Variants in MPDZ observed in about 807,000 individuals in gnomAD.
MPDZ encodes the protein multiple PDZ domain protein.
In MPDZ, 234 loss-of-function variants were observed where a neutral mutation model predicts 239.1. The observed-to-expected ratio is 0.98, with a 90% CI of 0.88 to 1.09. The LOEUF (loss-of-function observed/expected upper bound fraction) is 1.09. Ranked by LOEUF, MPDZ falls within the 50% of genes least tolerant of loss-of-function variation. The probability of loss-of-function intolerance (pLI) is 0.00; values close to 1 mark genes in which losing one functional copy is unlikely to be tolerated. For synonymous variants in MPDZ, 1,048 were observed against 881.3 expected, an observed-to-expected ratio of 1.19 and a Z score of -3.35; for missense variants, 3,175 against 2,510.0, an observed-to-expected ratio of 1.26 and a Z score of -5.66.
chr9:13,181,028 G>A (rs775626021), intron 19 of MPDZ, among the ~76,000 whole-genome samples: 4 of 152,088 alleles, frequency 2.6e-5, no homozygotes, highest in Non-Finnish European at 5.9e-5. Flanking sequence ...ATCACTTCTG[G>A]TAGTATACCT....
chr9:13,191,328 T>C (rs1954895250), intron 15 of MPDZ, among the ~76,000 whole-genome samples: 1 of 152,186 alleles, frequency 6.6e-6, no homozygotes, highest in African/African-American at 2.4e-5. Flanking sequence ...CAATATACTA[T>C]AAATCAAATC....
At chr9:13,165,348 T>C (rs1490602734) in intron 22 of MPDZ, 1 of 1,548,526 alleles carries the variant, frequency 6.5e-7, no homozygotes, top group Non-Finnish European at 8.7e-7. Flanking sequence ...TAATGAGCTT[T>C]CGAATCACTG....
At chr9:13,197,030 C>A (rs1955736288) in intron 12 of MPDZ, among the ~76,000 whole-genome samples, 1 of 151,794 alleles carries the variant, frequency 6.6e-6, no homozygotes, top group African/African-American at 2.4e-5. Context: ...ATTCAGATTT[C>A]TTATTAGTTG....
At chr9:13,251,092 G>A (rs1345256159) in intron 1 of MPDZ, among the ~76,000 whole-genome samples, 1 of 121,242 alleles carries the variant, frequency 8.2e-6, no homozygotes, top group Non-Finnish European at 1.6e-5. Flanking sequence ...TCATGCCACC[G>A]CACTCCAGCC....
At position 13,112,034 on chromosome 9, in the gene MPDZ, T is replaced by A; in HGVS notation, c.5714A>T (p.Gln1905Leu). The change falls in exon 43 of 47, where the codon CAA becomes CTA. Residue 1905 changes from glutamine (Q) to leucine (L), a missense_variant. Gln to Leu is a moderately radical substitution (Grantham distance 113). Coordinates refer to ENST00000319217, the MANE Select transcript of MPDZ (RefSeq NM_001378778.1). ...GATAGTACGACTCACTCTGAGTTTT[T>A]GGGTCTGTGCTGCAACTCCAGTTGG... ...MHPTGVAAQT[Q>L]KLRVGDRIVT... The A allele has an allele frequency of 1.9e-6, 3 of 1,613,378 alleles. No homozygotes were observed. In the South Asian group the frequency reaches 3.3e-5, roughly 18 times the overall value.
intron 10 of MPDZ, among the ~76,000 whole-genome samples, chr9:13,209,758 CA>C (rs1318311200): frequency 4.0e-5 from 6 of 150,892 alleles, no homozygotes; most frequent in South Asian, 2.1e-4. Flanking sequence ...ATCTACCCCC[CA>C]AAAAAAAGAA....
At chr9:13,245,638 A>G (rs1245432514) in intron 3 of MPDZ, among the ~76,000 whole-genome samples, 2 of 152,192 alleles carry the variant, frequency 1.3e-5, no homozygotes, top group African/African-American at 2.4e-5. Context: ...CATGTCTCAT[A>G]GAATTCACAG....
At chr9:13,203,308 T>A (rs1372503515) in intron 12 of MPDZ, among the ~76,000 whole-genome samples, 1 of 152,148 alleles carries the variant, frequency 6.6e-6, no homozygotes, top group African/African-American at 2.4e-5. Flanking sequence ...CCACACTTCC[T>A]TTTTCTAAGT....
At chr9:13,221,170 T>TA in intron 7 of MPDZ, among the ~76,000 whole-genome samples, 1 of 152,120 alleles carries the variant, frequency 6.6e-6, no homozygotes, top group African/African-American at 2.4e-5. Context: ...AACTATAACT[T>TA]AAGATTACTG....
At chr9:13,264,683 A>G (rs889421156) in intron 1 of MPDZ, among the ~76,000 whole-genome samples, 2 of 151,982 alleles carry the variant, frequency 1.3e-5, no homozygotes, top group East Asian at 1.9e-4. Flanking sequence ...AGAGTCCAAA[A>G]TACACATTAG....
intron 1 of MPDZ, 27 bp from the exon 2 acceptor site, chr9:13,250,399 A>C: frequency 8.3e-7 from 1 of 1,204,876 alleles, no homozygotes; most frequent in Non-Finnish European, 1.2e-6. Flanking sequence ...TAGAATGGTT[A>C]TGTTTTATCA....
chr9:13,205,059 T>C lies in MPDZ; in HGVS notation c.1523A>G (p.Asn508Ser). ...ACCTTCTTCTTCAGTTGGTAATATG[T>C]TGGTGTTTCTCGTCGAAGATAAAAA... ...EDFLSSTRNTNILPTEEEGYP... is the reference protein window; with the variant it reads ...EDFLSSTRNTSILPTEEEGYP... The change falls in exon 12 of 47, where the codon AAC becomes AGC. Residue 508 changes from asparagine to serine, a missense_variant. Physicochemically the swap from Asn to Ser is conservative, Grantham distance 46 (BLOSUM62 1). Transcript: ENST00000319217. 2 of 1,465,610 alleles carry C rather than the reference T, an allele frequency of 1.4e-6. No homozygotes were observed. The highest frequency in any genetic ancestry group is 2.9e-5 in the Admixed American group (1 of 34,806). The allele number at this position is 1,465,610 out of a possible 1,614,324, so 90.8% of individuals were successfully genotyped here.
At chr9:13,236,245 GTGTGTATA>G (rs375736612) in intron 3 of MPDZ, among the ~76,000 whole-genome samples, 2,737 of 13,456 alleles carry the variant, frequency 0.2, 429 homozygotes, top group Middle Eastern at 0.5. Flanking sequence ...ATGTGTGTGT[GTGTGTATA>G]TATATATATA....
chr9:13,133,740 G>A, intron 32 of MPDZ, 84 bp downstream of exon 32: 1 of 942,746 alleles, frequency 1.1e-6, no homozygotes, highest in Non-Finnish European at 1.6e-6. Flanking sequence ...TTAATCTGGA[G>A]ACCACACTTT....
chr9:13,232,142 T>C (rs889412894), intron 3 of MPDZ, among the ~76,000 whole-genome samples: 2 of 152,162 alleles, frequency 1.3e-5, no homozygotes, highest in African/African-American at 4.8e-5. Context: ...ACAAAAACTG[T>C]AATTATTTGC....
intron 39 of MPDZ, among the ~76,000 whole-genome samples, chr9:13,117,914 G>A (rs1478662815): frequency 6.9e-6 from 1 of 145,956 alleles, no homozygotes; most frequent in South Asian, 2.2e-4. Context: ...ATGCGATCTC[G>A]GCTTACTGCA....
At chr9:13,148,875 T>C (rs561684959) in intron 25 of MPDZ, among the ~76,000 whole-genome samples, 1 of 152,154 alleles carries the variant, frequency 6.6e-6, no homozygotes, top group East Asian at 1.9e-4. Context: ...GCATACAGTA[T>C]TTTAAAACGC....
chr9:13,123,169 C>A lies in MPDZ; in HGVS notation c.4937G>T (p.Gly1646Val). 6.2e-7 allele frequency: 1 copy of A among 1,612,288 alleles called. No individual in the cohort carries two copies. The highest frequency in any genetic ancestry group is 8.5e-7 in the Non-Finnish European group (1 of 1,179,564). The part of the protein sequence containing the change: ...RTGLGLSIVG[G>V]SDTLLGAIII... ...GGTGCTCACCAGCAGCGTGTCTGAACCCCCAACGATGCTCAGGCCCAGCCC... is the reference window on the plus strand; with the variant it reads ...GGTGCTCACCAGCAGCGTGTCTGAAACCCCAACGATGCTCAGGCCCAGCCC... The change falls in exon 36 of 47, where the codon GGT becomes GTT. Residue 1646 changes from glycine to valine, a missense_variant. Physicochemically the swap from Gly to Val is moderately radical, Grantham distance 109. Coordinates refer to ENST00000319217, the MANE Select transcript of MPDZ (RefSeq NM_001378778.1).
At chr9:13,236,653 T>C (rs922446185) in intron 3 of MPDZ, among the ~76,000 whole-genome samples, 1 of 152,006 alleles carries the variant, frequency 6.6e-6, no homozygotes, top group East Asian at 1.9e-4. Context: ...CCTTTGGGAA[T>C]ATACTTAGGT....
Sources: allele counts gnomAD v4.1 joint callset (sites outside exome capture counted in the v4.1 genomes callset), GRCh38; gene constraint gnomAD v4.1.1; transcripts MANE v1.5; gene names NCBI Gene and HGNC (gene_info 2026-07-23, HGNC 2026-07-21).